The following LHFPL2 variants were observed in gnomAD, a reference collection of about 807,000 sequenced individuals.
LHFPL2 encodes the protein LHFPL tetraspan subfamily member 2 protein.
LHFPL2 carries 7 observed loss-of-function variants against 17.5 expected under a neutral mutation model. The ratio of observed to expected loss-of-function variants is 0.40; its 90% CI spans 0.23 to 0.75. The LOEUF (loss-of-function observed/expected upper bound fraction) is 0.75, where lower values mean the gene tolerates loss of function less well. Ranked by LOEUF, LHFPL2 falls within the 30% of genes least tolerant of loss-of-function variation. The pLI is 0.37. For missense variants in LHFPL2, 241 were observed against 294.8 expected, an observed-to-expected ratio of 0.82 and a Z score of 1.34; for synonymous variants, 134 against 116.2, an observed-to-expected ratio of 1.15 and a Z score of -0.99.
At chr5:78,624,564 G>T (rs1292740426) in intron 2 of LHFPL2, among the ~76,000 whole-genome samples, 1 of 152,306 alleles carries the variant, frequency 6.6e-6, no homozygotes, top group Admixed American at 6.5e-5. Context: ...TAAAGTCTCC[G>T]CAGATCAGAG....
intron 4 of LHFPL2, among the ~76,000 whole-genome samples, chr5:78,499,797 A>T (rs921634622): frequency 4.6e-5 from 7 of 152,204 alleles, no homozygotes; most frequent in Non-Finnish European, 8.8e-5. Flanking sequence ...CAAGATAAAG[A>T]AATTCCATCT....
intron 3 of LHFPL2, among the ~76,000 whole-genome samples, chr5:78,536,298 G>A (rs987891518): frequency 4.6e-5 from 7 of 152,122 alleles, no homozygotes; most frequent in African/African-American, 1.7e-4. Flanking sequence ...TCGGCCGGGC[G>A]CCCAGAAAAA....
chr5:78,549,689 A>G (rs148378845), intron 3 of LHFPL2, among the ~76,000 whole-genome samples: 1 of 152,334 alleles, frequency 6.6e-6, no homozygotes, highest in African/African-American at 2.4e-5. Context: ...TTCCTGTAAC[A>G]CGATTTTGGA....
intron 2 of LHFPL2, among the ~76,000 whole-genome samples, chr5:78,577,369 C>T (rs1170822400): frequency 6.6e-6 from 1 of 152,194 alleles, no homozygotes; most frequent in Non-Finnish European, 1.5e-5. Context: ...TGAGGATCTC[C>T]AGGACAGAAA....
rs1743401005 is a variant in LHFPL2, at chr5:78,586,403, C to G, written c.-244-21532G>C. Among the ~76,000 whole-genome samples, 4 of 152,298 alleles carry G rather than the reference C, an allele frequency of 2.6e-5. No homozygotes were observed. In the South Asian group the frequency reaches 8.3e-4, roughly 32 times the overall value. ...GAGGAATGCTATCCCATCTGGCTTT[C>G]CAGAAGACTGGGTAGAATATAGGAA... On this transcript the variant is annotated intron_variant, in intron 2 of 4. Transcript: ENST00000380345.
At position 78,564,356 on chromosome 5, in the gene LHFPL2, A is replaced by G. The variant is rs80162295; in HGVS notation, c.-186+457T>C. Among the ~76,000 whole-genome samples, 1,206 of 152,314 alleles carry G rather than the reference A, an allele frequency of 7.9e-3. 13 individuals are homozygous for G. The highest frequency in any genetic ancestry group is 0.026 in the African/African-American group (1,069 of 41,570). On this transcript the variant is annotated intron_variant, in intron 3 of 4. Transcript: ENST00000380345. ...TTAATCATAAATCACCTATTAGTCA[A>G]CTGTTTTTAACTTTTATTCCCACAA...
chr5:78,545,620 A>G (rs912786916), intron 3 of LHFPL2, among the ~76,000 whole-genome samples: 17 of 152,332 alleles, frequency 1.1e-4, no homozygotes, highest in Admixed American at 9.8e-4. Context: ...TGATGCGTGG[A>G]GGCCGATCAT....
intron 2 of LHFPL2, among the ~76,000 whole-genome samples, chr5:78,583,961 T>C (rs1385098328): frequency 6.6e-6 from 1 of 152,064 alleles, no homozygotes; most frequent in Non-Finnish European, 1.5e-5. Flanking sequence ...GTCCCATATT[T>C]ATTGGAGGCT....
chr5:78,636,095 G>A (rs985433270), intron 1 of LHFPL2, among the ~76,000 whole-genome samples: 1 of 152,182 alleles, frequency 6.6e-6, no homozygotes, highest in Admixed American at 6.5e-5. Context: ...TGCTCTTCTT[G>A]AGCTGCCTGG....
chr5:78,566,905 T>C (rs987138111), intron 2 of LHFPL2, among the ~76,000 whole-genome samples: 1 of 152,246 alleles, frequency 6.6e-6, no homozygotes, highest in Non-Finnish European at 1.5e-5. Context: ...GCCACTAGGA[T>C]TATTATGAAT....
chr5:78,486,512 A>G lies in LHFPL2; in HGVS notation c.*2385T>C, dbSNP rs1438126924. The stretch of plus-strand genomic sequence containing the variant: ...ATGGTTTAGACTAGCATGATTTTAG[A>G]TGGTCCTTTCATCCCAAGCCTGGCT... On this transcript the variant is annotated 3_prime_UTR_variant, in exon 5 of 5. Coordinates refer to ENST00000380345, the MANE Select transcript of LHFPL2 (RefSeq NM_005779.3). The G allele has an allele frequency of 1.3e-5, 2 of 152,196 alleles. No individual in the cohort carries two copies. The highest frequency in any genetic ancestry group is 2.9e-5 in the Non-Finnish European group (2 of 68,036). 9.4% of individuals were successfully genotyped at this position (152,196 alleles called of 1,614,324 possible).
intron 3 of LHFPL2, among the ~76,000 whole-genome samples, chr5:78,535,218 T>A (rs891924105): frequency 1.3e-5 from 2 of 152,148 alleles, no homozygotes; most frequent in Non-Finnish European, 1.5e-5. Flanking sequence ...GCCGAGGGGC[T>A]GCACGGACAG....
At chr5:78,517,821 G>A (rs532942146) in intron 3 of LHFPL2, among the ~76,000 whole-genome samples, 14 of 152,292 alleles carry the variant, frequency 9.2e-5, no homozygotes, top group South Asian at 6.2e-4. Context: ...AGCCAGAGAC[G>A]GAAGGTCCAC....
intron 2 of LHFPL2, among the ~76,000 whole-genome samples, chr5:78,585,001 T>TAAGCCCG (rs1561352378): frequency 6.1e-5 from 3 of 48,894 alleles, no homozygotes; most frequent in African/African-American, 1.9e-4. Flanking sequence ...CTGTGTTTTT[T>TAAGCCCG]TTTTTTTTTT....
chr5:78,539,806 A>G (rs566287200), intron 3 of LHFPL2, among the ~76,000 whole-genome samples: 1 of 143,040 alleles, frequency 7.0e-6, no homozygotes, highest in Non-Finnish European at 1.5e-5. Flanking sequence ...TGAACCAGGC[A>G]AGACTTTTGC....
At chr5:78,583,907 C>T (rs1262471974) in intron 2 of LHFPL2, among the ~76,000 whole-genome samples, 2 of 151,524 alleles carry the variant, frequency 1.3e-5, no homozygotes, top group Non-Finnish European at 3.0e-5. Context: ...CTCCCCATCA[C>T]TTTCAGGTAC....
chr5:78,583,553 G>A (rs1235192801), intron 2 of LHFPL2, among the ~76,000 whole-genome samples: 1 of 150,948 alleles, frequency 6.6e-6, no homozygotes, highest in Non-Finnish European at 1.5e-5. Flanking sequence ...GCTTAATTTG[G>A]CTGGATATGA....
In LHFPL2 at chr5:78,642,474, C is replaced by T. The variant is rs146394450; in HGVS notation, c.-350+6025G>A. On this transcript the variant is annotated intron_variant, in intron 1 of 4. Transcript: ENST00000380345. ...TCAGTACAAGCCTGGTCATTTGAGG[C>T]TAAAGTCAAGGGCTTGATGGACAAT... Among the ~76,000 whole-genome samples, 231 of 152,238 alleles carry T rather than the reference C, an allele frequency of 1.5e-3. 1 individual carries two copies. The highest frequency in any genetic ancestry group is 2.9e-3 in the Non-Finnish European group (198 of 68,022).
At chr5:78,572,456 A>G (rs776624224) in intron 2 of LHFPL2, among the ~76,000 whole-genome samples, 2 of 141,646 alleles carry the variant, frequency 1.4e-5, no homozygotes, top group African/African-American at 6.2e-5. Context: ...ATATATATGT[A>G]TGTGTATATA....
Sources: allele counts gnomAD v4.1 joint callset (sites outside exome capture counted in the v4.1 genomes callset), GRCh38; gene constraint gnomAD v4.1.1; transcripts MANE v1.5; gene names NCBI Gene and HGNC (gene_info 2026-07-23, HGNC 2026-07-21).